ATOSA: variants seen among roughly 807,000 people sequenced by gnomAD.
The protein encoded by ATOSA is atos homolog A.
chr15:52,685,073 A>G, the ATOSA span, among the ~76,000 whole-genome samples: 19 of 152,356 alleles, frequency 1.2e-4, no homozygotes, highest in Middle Eastern at 3.4e-3. Context: ...TGGCTAATAG[A>G]AAATTTAAAG....
the ATOSA span, chr15:52,677,997 ATCATTTACCTCGG>A: frequency 6.2e-7 from 1 of 1,613,912 alleles, no homozygotes. Flanking sequence ...ACTTAAACAA[ATCATTTACCTCGG>A]TCTGGCTTCA....
the ATOSA span, chr15:52,608,608 C>T: frequency 1.2e-6 from 2 of 1,600,312 alleles, no homozygotes; most frequent in Non-Finnish European, 1.7e-6. Context: ...TGTAGACAAA[C>T]AGTCTTTTAT....
At chr15:52,660,702 A>C in the ATOSA span, among the ~76,000 whole-genome samples, 2 of 152,022 alleles carry the variant, frequency 1.3e-5, no homozygotes, top group Admixed American at 6.5e-5. Flanking sequence ...CCTAGGCTGG[A>C]GTGCAATGGC....
At chr15:52,653,625 C>G in the ATOSA span, among the ~76,000 whole-genome samples, 1 of 152,148 alleles carries the variant, frequency 6.6e-6, no homozygotes, top group Non-Finnish European at 1.5e-5. Flanking sequence ...ACAGCGAGAC[C>G]ACATATAAGA....
the ATOSA span, among the ~76,000 whole-genome samples, chr15:52,632,030 C>T: frequency 6.6e-6 from 1 of 152,154 alleles, no homozygotes; most frequent in South Asian, 2.1e-4. Context: ...TGTAGGCTGA[C>T]AGTGCTGGGA....
At chr15:52,593,399 G>C in the ATOSA span, 1 of 566,056 alleles carries the variant, frequency 1.8e-6, no homozygotes, top group Admixed American at 3.6e-5. Context: ...AAATGCAAAA[G>C]AGGTTATCTG....
At chr15:52,583,534 C>T in the ATOSA span, among the ~76,000 whole-genome samples, 2 of 152,054 alleles carry the variant, frequency 1.3e-5, no homozygotes, top group Admixed American at 6.6e-5. Context: ...TACAGGTGTC[C>T]ACCACCACGC....
chr15:52,672,334 G>T, the ATOSA span, among the ~76,000 whole-genome samples: 1 of 151,966 alleles, frequency 6.6e-6, no homozygotes, highest in Non-Finnish European at 1.5e-5. Context: ...GAGTGACACA[G>T]TAAGACCCCA....
At chr15:52,636,052 A>T in the ATOSA span, among the ~76,000 whole-genome samples, 24 of 147,436 alleles carry the variant, frequency 1.6e-4, no homozygotes, top group Non-Finnish European at 2.7e-4. Flanking sequence ...TTATTAATAA[A>T]TTTATTAAAT....
At chr15:52,637,078 T>C in the ATOSA span, among the ~76,000 whole-genome samples, 1 of 152,242 alleles carries the variant, frequency 6.6e-6, no homozygotes, top group Middle Eastern at 3.4e-3. Context: ...AGAATAAATT[T>C]GGGATTGGGA....
At chr15:52,709,659 A>C in the ATOSA span, 4 of 151,986 alleles carry the variant, frequency 2.6e-5, no homozygotes, top group African/African-American at 9.7e-5. Context: ...ACCACACATC[A>C]CTTCCCATCT....
chr15:52,626,770 CCT>C, the ATOSA span, among the ~76,000 whole-genome samples: 3 of 152,062 alleles, frequency 2.0e-5, no homozygotes, highest in African/African-American at 4.8e-5. Flanking sequence ...AAACTCTACC[CCT>C]GTTATTAGTT....
the ATOSA span, among the ~76,000 whole-genome samples, chr15:52,584,243 C>G: frequency 2.2e-4 from 33 of 149,692 alleles, no homozygotes; most frequent in South Asian, 8.4e-4. Context: ...CTCCCGGGTT[C>G]AAGCAATTCT....
At chr15:52,682,270 G>A in the ATOSA span, among the ~76,000 whole-genome samples, 1 of 150,984 alleles carries the variant, frequency 6.6e-6, no homozygotes, top group African/African-American at 2.5e-5. Flanking sequence ...GTTGAAATGT[G>A]TTCTCCCCTC....
At chr15:52,653,183 T>C in the ATOSA span, among the ~76,000 whole-genome samples, 1 of 152,166 alleles carries the variant, frequency 6.6e-6, no homozygotes, top group East Asian at 1.9e-4. Context: ...AGATCTTTGT[T>C]TATCTTGAGT....
chr15:52,666,432 T>A, the ATOSA span, among the ~76,000 whole-genome samples: 1 of 152,184 alleles, frequency 6.6e-6, no homozygotes, highest in Non-Finnish European at 1.5e-5. Flanking sequence ...AATGAACAAC[T>A]ACTTATATTT....
the ATOSA span, among the ~76,000 whole-genome samples, chr15:52,645,561 G>A: frequency 2.6e-5 from 4 of 152,112 alleles, no homozygotes; most frequent in Admixed American, 1.3e-4. Flanking sequence ...GCTCCCAGTG[G>A]GTATGATATC....
At chr15:52,693,840 C>T in the ATOSA span, among the ~76,000 whole-genome samples, 1 of 152,248 alleles carries the variant, frequency 6.6e-6, no homozygotes, top group Admixed American at 6.5e-5. Flanking sequence ...AAAACTAATA[C>T]CAACTTAATA....
the ATOSA span, among the ~76,000 whole-genome samples, chr15:52,596,004 C>T: frequency 6.6e-6 from 1 of 152,018 alleles, no homozygotes; most frequent in Non-Finnish European, 1.5e-5. Flanking sequence ...GTCCTAGCTA[C>T]TTGGGAGGCT....
Sources: gnomAD v4.1 joint callset for allele counts (sites outside exome capture counted in the v4.1 genomes callset) on GRCh38, gnomAD v4.1.1 for gene constraint, MANE v1.5 for transcripts, NCBI Gene and HGNC (gene_info 2026-07-23, HGNC 2026-07-21) for gene names.